The following KCNB2 variants were observed in gnomAD, a reference collection of about 807,000 sequenced individuals.
KCNB2 encodes the protein potassium voltage-gated channel subfamily B member 2.
KCNB2 carries 15 observed loss-of-function variants against 61.5 expected under a neutral mutation model. The ratio of observed to expected loss-of-function variants is 0.24; its 90% CI spans 0.16 to 0.38. KCNB2 has a LOEUF of 0.38. KCNB2 is among the 10% of genes least tolerant of loss of function. The pLI is 1.00. For synonymous variants in KCNB2, 457 were observed against 446.0 expected (o/e 1.02, Z -0.31); for missense variants, 828 against 1,125.2 (o/e 0.74, Z 3.78).
chr8:72,596,898 G>T (rs967446947), intron 2 of KCNB2, among the ~76,000 whole-genome samples: 1 of 150,110 alleles, frequency 6.7e-6, no homozygotes, highest in Non-Finnish European at 1.5e-5. Context: ...AGGATTTTCT[G>T]CTGGTTTATT....
chr8:72,901,035 C>G (rs1176563761), intron 2 of KCNB2, among the ~76,000 whole-genome samples: 1 of 152,154 alleles, frequency 6.6e-6, no homozygotes, highest in Non-Finnish European at 1.5e-5. Flanking sequence ...CACACACACT[C>G]AGGTTCACTG....
At chr8:72,734,846 T>A (rs1807812544) in intron 2 of KCNB2, among the ~76,000 whole-genome samples, 1 of 152,190 alleles carries the variant, frequency 6.6e-6, no homozygotes, top group African/African-American at 2.4e-5. Flanking sequence ...AACTCTGAAC[T>A]CTTTTCTCCC....
intron 2 of KCNB2, among the ~76,000 whole-genome samples, chr8:72,829,056 T>C (rs1204092562): frequency 6.6e-6 from 1 of 152,194 alleles, no homozygotes; most frequent in Non-Finnish European, 1.5e-5. Flanking sequence ...TCATTTCCCT[T>C]GTCATGGCTC....
rs577774017 is a variant in KCNB2 at position 72,697,085 on chromosome 8, C to A, written c.579+128772C>A. 2.6e-5 allele frequency among the ~76,000 whole-genome samples: 4 copies of A among 152,224 alleles called. No homozygotes were observed. The South Asian group carries it at 8.3e-4, about 32-fold the overall frequency. On this transcript the variant is annotated intron_variant, in intron 2 of 2. Transcript: ENST00000523207. ...TATTGTTGAAGCTTATTATGCTGTC[C>A]TTTGCCATTATTGGGGGTGTTTCAA...
At chr8:72,886,350 G>GTC (rs1805806961) in intron 2 of KCNB2, among the ~76,000 whole-genome samples, 1 of 152,072 alleles carries the variant, frequency 6.6e-6, no homozygotes, top group Non-Finnish European at 1.5e-5. Context: ...TTCTCTCTCA[G>GTC]TCTCTCTCTC....
At chr8:72,727,823 G>A (rs1053035748) in intron 2 of KCNB2, among the ~76,000 whole-genome samples, 5 of 152,168 alleles carry the variant, frequency 3.3e-5, no homozygotes, top group African/African-American at 1.2e-4. Context: ...GAAGGAAATA[G>A]ACTTGCTAGT....
chr8:72,690,092 G>T (rs1806916701), intron 2 of KCNB2, among the ~76,000 whole-genome samples: 1 of 151,700 alleles, frequency 6.6e-6, no homozygotes, highest in African/African-American at 2.4e-5. Flanking sequence ...GCTGTAGTAG[G>T]GTGCTATAAG....
intron 2 of KCNB2, among the ~76,000 whole-genome samples, chr8:72,848,710 G>A (rs998026072): frequency 2.0e-5 from 3 of 151,934 alleles, no homozygotes; most frequent in South Asian, 2.1e-4. Context: ...TCTAAATAAT[G>A]CTAGTTTCAT....
At chr8:72,582,896 A>G (rs760289654) in intron 2 of KCNB2, among the ~76,000 whole-genome samples, 26 of 152,226 alleles carry the variant, frequency 1.7e-4, no homozygotes, top group Non-Finnish European at 8.8e-5. Flanking sequence ...CTGGGATTAC[A>G]GGCATGAGCC....
At chr8:72,637,686 T>C (rs1805988672) in intron 2 of KCNB2, among the ~76,000 whole-genome samples, 1 of 152,146 alleles carries the variant, frequency 6.6e-6, no homozygotes, top group Non-Finnish European at 1.5e-5. Context: ...GTCCCTCTTC[T>C]CTCATATCCC....
chr8:72,606,124 C>A (rs1805443129), intron 2 of KCNB2, among the ~76,000 whole-genome samples: 1 of 152,090 alleles, frequency 6.6e-6, no homozygotes, highest in African/African-American at 2.4e-5. Flanking sequence ...TTCTAGAAAA[C>A]AATTTAGCAG....
chr8:72,656,755 T>C (rs535860039), intron 2 of KCNB2, among the ~76,000 whole-genome samples: 1 of 152,284 alleles, frequency 6.6e-6, no homozygotes, highest in East Asian at 1.9e-4. Context: ...TAGATAACAC[T>C]TTTCTCCCTG....
rs190988439 is a variant in KCNB2 at position 72,695,165 on chromosome 8, G to T, written c.579+126852G>T. On this transcript the variant is annotated intron_variant, in intron 2 of 2. Coordinates refer to ENST00000523207, the MANE Select transcript of KCNB2 (RefSeq NM_004770.3). ...GTAAAGAACAGTGTTTGGCATAAAG[G>T]CAGTGCCCAAAATATGCATACAGTT... Among the ~76,000 whole-genome samples the T allele has an allele frequency of 2.1e-3, 321 of 152,208 alleles. 3 individuals are homozygous for T. The highest frequency in any genetic ancestry group is 7.2e-3 in the African/African-American group (301 of 41,546).
intron 2 of KCNB2, among the ~76,000 whole-genome samples, chr8:72,837,117 T>G (rs1194742231): frequency 1.3e-5 from 2 of 152,234 alleles, no homozygotes; most frequent in African/African-American, 4.8e-5. Flanking sequence ...TTAGACATAC[T>G]GTTCCTGGAA....
chr8:72,914,059 A>G (rs1228747391), intron 2 of KCNB2, among the ~76,000 whole-genome samples: 1 of 152,200 alleles, frequency 6.6e-6, no homozygotes, highest in Non-Finnish European at 1.5e-5. Context: ...TCTTGAGGCT[A>G]GGAAGTCCAA....
intron 2 of KCNB2, among the ~76,000 whole-genome samples, chr8:72,854,059 C>T (rs1563405373): frequency 6.6e-6 from 1 of 152,132 alleles, no homozygotes; most frequent in Non-Finnish European, 1.5e-5. Context: ...CCATTTAGGG[C>T]TATTTTGCTT....
chr8:72,860,311 AAG>A (rs1246243608), intron 2 of KCNB2, among the ~76,000 whole-genome samples: 4 of 152,208 alleles, frequency 2.6e-5, no homozygotes, highest in Non-Finnish European at 5.9e-5. Context: ...GTAGTATATG[AAG>A]AGTCTCAATT....
At chr8:72,839,505 C>A (rs1488688648) in intron 2 of KCNB2, among the ~76,000 whole-genome samples, 1 of 151,586 alleles carries the variant, frequency 6.6e-6, no homozygotes, top group African/African-American at 2.4e-5. Context: ...TTCAATAATT[C>A]CTACAGGTGC....
chr8:72,717,350 G>A (rs769158197), intron 2 of KCNB2, among the ~76,000 whole-genome samples: 53 of 152,198 alleles, frequency 3.5e-4, no homozygotes, highest in Non-Finnish European at 5.0e-4. Flanking sequence ...AGCTTGCATC[G>A]CCAAGTCAAT....
Sources: allele counts gnomAD v4.1 joint callset (sites outside exome capture counted in the v4.1 genomes callset), GRCh38; gene constraint gnomAD v4.1.1; transcripts MANE v1.5; gene names NCBI Gene and HGNC (gene_info 2026-07-23, HGNC 2026-07-21).